Variants in DMD observed in about 807,000 individuals in gnomAD.
DMD encodes mutant dystrophin.
In DMD, 63 loss-of-function variants were observed where a neutral mutation model predicts 330.1. The observed-to-expected ratio is 0.19, with a 90% CI of 0.16 to 0.24. The LOEUF (loss-of-function observed/expected upper bound fraction) is 0.24, where lower values mean the gene tolerates loss of function less well. Ranked by LOEUF, DMD falls within the 10% of genes least tolerant of loss-of-function variation. The pLI, the probability that DMD is intolerant of heterozygous loss-of-function variation, is 1.00. For synonymous variants in DMD, 1,223 were observed against 959.8 expected (o/e 1.27, Z -5.07); for missense variants, 3,344 against 2,684.1 (o/e 1.25, Z -5.43).
intron 1 of DMD, among the ~76,000 whole-genome samples, chrX:33,328,846 T>C (rs776196828): frequency 9.0e-6 from 1 of 111,731 alleles, no homozygotes; most frequent in East Asian, 2.8e-4. Flanking sequence ...GGACTAAATA[T>C]TCTTTAATGG....
intron 11 of DMD, among the ~76,000 whole-genome samples, chrX:32,633,614 G>A (rs189351653): frequency 3.1e-4 from 35 of 111,861 alleles, no homozygotes; most frequent in Admixed American, 2.7e-3. Context: ...GGCCACTCTC[G>A]CATTGCTATC....
At chrX:31,645,242 T>A (rs993161097) in intron 54 of DMD, among the ~76,000 whole-genome samples, 4 of 111,743 alleles carry the variant, frequency 3.6e-5, no homozygotes, top group African/African-American at 1.3e-4. Flanking sequence ...TATCCCTGAT[T>A]ACTTCGGTGG....
intron 2 of DMD, among the ~76,000 whole-genome samples, chrX:32,959,835 A>T (rs1035035347): frequency 1.1e-4 from 12 of 111,868 alleles, no homozygotes; most frequent in Non-Finnish European, 2.1e-4. Flanking sequence ...CCATTCAGAA[A>T]GTCCACTGGA....
intron 60 of DMD, among the ~76,000 whole-genome samples, chrX:31,351,769 T>C (rs1285479896): frequency 3.0e-5 from 3 of 100,144 alleles, no homozygotes; most frequent in African/African-American, 1.2e-4. Context: ...CAATAGACTA[T>C]AATGTGCAGG....
At chrX:32,804,027 T>C (rs1007281236) in intron 7 of DMD, among the ~76,000 whole-genome samples, 1 of 111,660 alleles carries the variant, frequency 9.0e-6, no homozygotes, top group African/African-American at 3.3e-5. Flanking sequence ...TTCTGTCTCG[T>C]TGATCTGTCT....
At chrX:32,025,871 A>T (rs1267689786) in intron 44 of DMD, among the ~76,000 whole-genome samples, 1 of 112,111 alleles carries the variant, frequency 8.9e-6, no homozygotes, top group Non-Finnish European at 1.9e-5. Flanking sequence ...ACCAGTTTAC[A>T]TGAAGAACAA....
chrX:32,748,236 G>A (rs1182868858), intron 7 of DMD, among the ~76,000 whole-genome samples: 1 of 108,355 alleles, frequency 9.2e-6, no homozygotes, highest in Non-Finnish European at 1.9e-5. Context: ...CCAGCTACTC[G>A]GGGAGGCTGA....
At chrX:33,104,245 A>T (rs1158146785) in intron 1 of DMD, among the ~76,000 whole-genome samples, 2 of 111,918 alleles carry the variant, frequency 1.8e-5, no homozygotes, top group Non-Finnish European at 3.8e-5. Context: ...ATATGTTAAT[A>T]ACGTTTTAAA....
At chrX:32,947,815 G>A (rs762051979) in intron 2 of DMD, among the ~76,000 whole-genome samples, 36 of 111,361 alleles carry the variant, frequency 3.2e-4, no homozygotes, top group Non-Finnish European at 5.8e-4. Context: ...GGGAGGAGCA[G>A]AGGAATGCAT....
At chrX:32,907,207 T>C (rs2086797891) in intron 2 of DMD, among the ~76,000 whole-genome samples, 1 of 112,199 alleles carries the variant, frequency 8.9e-6, no homozygotes, top group Non-Finnish European at 1.9e-5. Flanking sequence ...ACAGGTTCAG[T>C]ACATTATTCA....
At chrX:33,313,899 A>C (rs2053887347) in intron 1 of DMD, among the ~76,000 whole-genome samples, 1 of 111,382 alleles carries the variant, frequency 9.0e-6, no homozygotes, top group Non-Finnish European at 1.9e-5. Flanking sequence ...CATGAATTTC[A>C]TAATCCCAAG....
chrX:32,756,120 A>T (rs1419497087), intron 7 of DMD: 1 of 112,472 alleles, frequency 8.9e-6, no homozygotes, highest in Non-Finnish European at 1.9e-5. Flanking sequence ...TAACATTTTC[A>T]TATAAGTAAC....
chrX:31,519,018 G>A (rs996450960), intron 55 of DMD, among the ~76,000 whole-genome samples: 1 of 111,706 alleles, frequency 9.0e-6, no homozygotes, highest in Non-Finnish European at 1.9e-5. Context: ...TCAGAGCACT[G>A]ATAGGAATGG....
intron 44 of DMD, among the ~76,000 whole-genome samples, chrX:32,199,079 G>A (rs778459092): frequency 8.9e-6 from 1 of 112,037 alleles, no homozygotes; most frequent in African/African-American, 3.2e-5. Flanking sequence ...TTGTGAATGC[G>A]ATGAGAAAGG....
At chrX:32,498,204 T>C (rs2043689639) in intron 19 of DMD, among the ~76,000 whole-genome samples, 1 of 111,232 alleles carries the variant, frequency 9.0e-6, no homozygotes, top group Non-Finnish European at 1.9e-5. Context: ...GACGGTAAGC[T>C]GCATGAAAAT....
At chrX:31,254,161 T>C (rs1357776841) in intron 63 of DMD, among the ~76,000 whole-genome samples, 1 of 112,146 alleles carries the variant, frequency 8.9e-6, no homozygotes, top group Admixed American at 9.5e-5. Context: ...TAAAATCAGC[T>C]TTCTGAAGTG....
intron 11 of DMD, among the ~76,000 whole-genome samples, chrX:32,641,986 A>G (rs760012128): frequency 8.9e-6 from 1 of 111,750 alleles, no homozygotes. Flanking sequence ...TATTTGAAGC[A>G]TTAAGTAAAA....
intron 1 of DMD, among the ~76,000 whole-genome samples, chrX:33,258,474 G>T (rs1221667133): frequency 9.0e-6 from 1 of 111,128 alleles, no homozygotes; most frequent in African/African-American, 3.3e-5. Context: ...GACAAACAAC[G>T]TACTAAACAT....
Position 31,396,318 on chromosome X carries a change from T to C in DMD, c.9085-47684A>G, listed in dbSNP as rs777234791. On this transcript the variant is annotated intron_variant, in intron 60 of 78. Coordinates refer to ENST00000357033, the MANE Select transcript of DMD (RefSeq NM_004006.3). ...ACGCCCGGCTAATTTTTTGTATTTTTAGTAGAGACGGGGTTTCACCGTGTT... is the reference window on the plus strand; with the variant it reads ...ACGCCCGGCTAATTTTTTGTATTTTCAGTAGAGACGGGGTTTCACCGTGTT... 5.4e-5 allele frequency among the ~76,000 whole-genome samples: 6 copies of C among 110,330 alleles called. No homozygotes were observed. The East Asian group carries it at 1.7e-3, about 32-fold the overall frequency.
Sources: gnomAD v4.1 joint callset for allele counts (sites outside exome capture counted in the v4.1 genomes callset) on GRCh38, gnomAD v4.1.1 for gene constraint, MANE v1.5 for transcripts, NCBI Gene and HGNC (gene_info 2026-07-23, HGNC 2026-07-21) for gene names.